KALRN: variants seen among roughly 807,000 people sequenced by gnomAD.
KALRN encodes kalirin RhoGEF kinase, also known as kalirin.
KALRN carries 70 observed loss-of-function variants against 353.7 expected under a neutral mutation model. The ratio of observed to expected loss-of-function variants is 0.20; its 90% CI spans 0.16 to 0.24. The LOEUF (loss-of-function observed/expected upper bound fraction) is 0.24, where lower values mean the gene tolerates loss of function less well. Among genes scored for constraint, KALRN ranks in the 10% least tolerant of loss-of-function variants. The pLI is 1.00. For missense variants in KALRN, 2,791 were observed against 3,756.7 expected (o/e 0.74, Z 6.72); for synonymous variants, 1,391 against 1,434.8 (o/e 0.97, Z 0.69).
intron 31 of KALRN, among the ~76,000 whole-genome samples, chr3:124,492,033 G>A (rs1336560201): frequency 1.3e-5 from 2 of 152,138 alleles, no homozygotes; most frequent in African/African-American, 4.8e-5. Flanking sequence ...GCCTGTCTGA[G>A]CAGCGATAAT....
At chr3:124,438,006 A>G (rs2093539349) in intron 17 of KALRN, among the ~76,000 whole-genome samples, 1 of 152,162 alleles carries the variant, frequency 6.6e-6, no homozygotes, top group African/African-American at 2.4e-5. Flanking sequence ...TTTTATTGCT[A>G]TACTTTTTAA....
chr3:124,456,487 T>A, intron 22 of KALRN, 123 bp from the exon 23 acceptor site: 2 of 604,604 alleles, frequency 3.3e-6, no homozygotes. Context: ...GTCTGTAAGA[T>A]CCCTCATGTT....
At chr3:124,179,308 A>G (rs1334356239) in intron 1 of KALRN, among the ~76,000 whole-genome samples, 1 of 152,122 alleles carries the variant, frequency 6.6e-6, no homozygotes, top group Admixed American at 6.5e-5. Context: ...TTTAACAAAT[A>G]AATACACAAA....
At chr3:124,512,902 T>G (rs2108859871) in intron 33 of KALRN, among the ~76,000 whole-genome samples, 1 of 152,278 alleles carries the variant, frequency 6.6e-6, no homozygotes, top group Non-Finnish European at 1.5e-5. Context: ...AAAAACCTAA[T>G]AGATATTATT....
At chr3:124,548,152 GCTCT>G (rs1406483765) in intron 33 of KALRN, among the ~76,000 whole-genome samples, 4 of 152,184 alleles carry the variant, frequency 2.6e-5, no homozygotes, top group East Asian at 1.9e-4. Context: ...AGTCAAGCTG[GCTCT>G]CTCTAGCTAC....
chr3:124,259,007 A>G (rs567773805), intron 3 of KALRN, among the ~76,000 whole-genome samples: 53 of 152,374 alleles, frequency 3.5e-4, no homozygotes, highest in Non-Finnish European at 6.0e-4. Flanking sequence ...GTTTAATATG[A>G]CAGGGATTTG....
intron 33 of KALRN, among the ~76,000 whole-genome samples, chr3:124,513,835 G>A (rs951547043): frequency 1.3e-5 from 2 of 152,154 alleles, no homozygotes; most frequent in Admixed American, 6.5e-5. Flanking sequence ...GCATACCTCC[G>A]CACCACCTAC....
chr3:124,331,996 A>G (rs2080613680), intron 8 of KALRN, among the ~76,000 whole-genome samples: 1 of 152,176 alleles, frequency 6.6e-6, no homozygotes, highest in Non-Finnish European at 1.5e-5. Context: ...TTTGCTCAGA[A>G]TTCCAGAAAG....
At chr3:124,554,906 A>G (rs1169500312) in intron 33 of KALRN, among the ~76,000 whole-genome samples, 1 of 152,176 alleles carries the variant, frequency 6.6e-6, no homozygotes, top group East Asian at 1.9e-4. Flanking sequence ...CCCATGAATG[A>G]TTCTAAAATC....
intron 51 of KALRN, among the ~76,000 whole-genome samples, chr3:124,686,919 A>G (rs2061591131): frequency 7.2e-6 from 1 of 138,674 alleles, no homozygotes; most frequent in Non-Finnish European, 1.5e-5. Context: ...GGCTCAAGTG[A>G]CCCTCCCACC....
At chr3:124,679,769 C>T (rs1203875654) in intron 51 of KALRN, 2 of 548,364 alleles carry the variant, frequency 3.6e-6, no homozygotes, top group Non-Finnish European at 6.6e-6. Context: ...AATATTTTCT[C>T]CTTTGGCAGG....
intron 24 of KALRN, 65 bp downstream of exon 24, chr3:124,462,021 C>A: frequency 4.1e-6 from 5 of 1,222,752 alleles, no homozygotes; most frequent in Non-Finnish European, 4.8e-6. Context: ...AGCATCAAGT[C>A]CTCAATTGGA....
chr3:124,637,888 A>G (rs2081545266), intron 37 of KALRN, among the ~76,000 whole-genome samples: 1 of 152,212 alleles, frequency 6.6e-6, no homozygotes, highest in South Asian at 2.1e-4. Flanking sequence ...TGACTGTCTC[A>G]TGGACCCATC....
intron 1 of KALRN, among the ~76,000 whole-genome samples, chr3:124,143,156 G>C (rs2066846329): frequency 1.3e-5 from 2 of 152,120 alleles, no homozygotes; most frequent in Admixed American, 1.3e-4. Flanking sequence ...TGTTATTGCA[G>C]ACTCTGGGAT....
At chr3:124,468,905 A>G (rs989341937) in intron 25 of KALRN, among the ~76,000 whole-genome samples, 2 of 152,226 alleles carry the variant, frequency 1.3e-5, no homozygotes, top group African/African-American at 2.4e-5. Context: ...TCAGTAAGCT[A>G]TCAACATTGG....
At chr3:124,216,932 C>G (rs1006583504) in intron 1 of KALRN, among the ~76,000 whole-genome samples, 2 of 152,294 alleles carry the variant, frequency 1.3e-5, no homozygotes, top group African/African-American at 4.8e-5. Context: ...CCTCTCTTCT[C>G]CTAGACCCAC....
At chr3:124,237,204 A>G (rs183851743) in intron 3 of KALRN, among the ~76,000 whole-genome samples, 1 of 152,352 alleles carries the variant, frequency 6.6e-6, no homozygotes, top group East Asian at 1.9e-4. Context: ...GAGAAAGGGA[A>G]CAATGAAAAT....
At chr3:124,297,660 ATAG>A (rs2076950882) in intron 5 of KALRN, among the ~76,000 whole-genome samples, 1 of 152,242 alleles carries the variant, frequency 6.6e-6, no homozygotes, top group Non-Finnish European at 1.5e-5. Flanking sequence ...TAAGGAGAAA[ATAG>A]TAGAATTTCC....
intron 1 of KALRN, among the ~76,000 whole-genome samples, chr3:124,090,140 A>G (rs1180580803): frequency 6.6e-6 from 1 of 151,944 alleles, no homozygotes; most frequent in Non-Finnish European, 1.5e-5. Context: ...ATGCTGTGTT[A>G]GAGATTCAGT....
Sources: gnomAD v4.1 joint callset for allele counts (sites outside exome capture counted in the v4.1 genomes callset) on GRCh38, gnomAD v4.1.1 for gene constraint, MANE v1.5 for transcripts, NCBI Gene and HGNC (gene_info 2026-07-23, HGNC 2026-07-21) for gene names.